Variants in TVP23C observed in about 807,000 individuals in gnomAD.
The protein encoded by TVP23C is trans-golgi network vesicle protein 23 homolog C.
Under a neutral mutation model 28.7 loss-of-function variants are expected in TVP23C, and 19 were observed. The observed-to-expected ratio is 0.66, with a 90% CI of 0.46 to 0.97. The LOEUF is 0.97. Ranked by LOEUF, TVP23C falls within the 50% of genes least tolerant of loss-of-function variation. The pLI is 0.00. For missense variants in TVP23C, 186 were observed against 241.3 expected, an observed-to-expected ratio of 0.77 and a Z score of 1.52; for synonymous variants, 68 against 81.7, an observed-to-expected ratio of 0.83 and a Z score of 0.90.
At position 15,537,550 on chromosome 17, in the gene TVP23C, T is replaced by C; in HGVS notation, c.*2862A>G. On this transcript the variant is annotated 3_prime_UTR_variant, in exon 6 of 6. Coordinates refer to ENST00000518321, the MANE Select transcript of TVP23C (RefSeq NM_001135036.2). ...TCTTACAAACAAAAATAAAATTTTA[T>C]AAAGTAGTTAATACCACTGGCCCTA... The C allele has an allele frequency of 1.0e-6, 1 of 983,300 alleles. No homozygotes were observed. Among genetic ancestry groups the C allele is most frequent in the Non-Finnish European group, 1.2e-6 (1 of 827,974 alleles). 60.9% of individuals were successfully genotyped at this position (983,300 alleles called of 1,614,324 possible).
chr17:15,507,442 T>C lies in TVP23C; in HGVS notation c.463-4210A>G, dbSNP rs537959284. 3.9e-5 allele frequency: 19 copies of C among 491,112 alleles called. No homozygotes were observed. In the South Asian group the frequency reaches 3.9e-4, roughly 10 times the overall value. 30.4% of individuals were successfully genotyped at this position (491,112 alleles called of 1,614,324 possible). On this transcript the variant is annotated intron_variant, in intron 5 of 5. Coordinates refer to the TVP23C transcript ENST00000225576. ...TCCACCCCATTTGCTCACACTATCC[T>C]GTCATCTTTGTGTTCTTGCTGCAGT...
chr17:15,530,084 C>A (rs1982892154), intron 5 of TVP23C, among the ~76,000 whole-genome samples: 1 of 152,172 alleles, frequency 6.6e-6, no homozygotes, highest in South Asian at 2.1e-4. Context: ...CAGGCGTGAG[C>A]CACTGTGCCC....
chr17:15,525,752 G>A (rs1355794315), intron 5 of TVP23C, among the ~76,000 whole-genome samples: 1 of 152,182 alleles, frequency 6.6e-6, no homozygotes, highest in Non-Finnish European at 1.5e-5. Context: ...ATACAAAGGT[G>A]GTGTCCTAAG....
chr17:15,503,266 G>A (rs1981568904), intron 5 of TVP23C: 2 of 1,451,490 alleles, frequency 1.4e-6, no homozygotes, highest in Non-Finnish European at 1.8e-6. Flanking sequence ...AATTAGCCAG[G>A]TGTAGTGGCG....
At chr17:15,557,068 T>C (rs1448108573) in intron 1 of TVP23C, among the ~76,000 whole-genome samples, 1 of 149,176 alleles carries the variant, frequency 6.7e-6, no homozygotes, top group African/African-American at 2.4e-5. Context: ...CTCAGAAAAC[T>C]CTTCCCTTCC....
rs1340958627 is a variant in TVP23C at position 15,537,718 on chromosome 17, A to G, written c.*2694T>C. The G allele has an allele frequency of 5.9e-5, 59 of 992,262 alleles. No individual in the cohort carries two copies. The highest frequency in any genetic ancestry group is 6.8e-5 in the Non-Finnish European group (57 of 834,386). 61.5% of individuals were successfully genotyped at this position (992,262 alleles called of 1,614,324 possible). On this transcript the variant is annotated 3_prime_UTR_variant, in exon 6 of 6. Transcript: ENST00000518321. Reference sequence around the variant, plus strand: ...AAACTTTCTCCTGAAAACAATCTACAGAAATAATATGTAAACATATAGAGC... The same window carrying G: ...AAACTTTCTCCTGAAAACAATCTACGGAAATAATATGTAAACATATAGAGC...
intron 1 of TVP23C, among the ~76,000 whole-genome samples, chr17:15,557,411 G>A (rs1597549547): frequency 6.8e-6 from 1 of 146,068 alleles, no homozygotes; most frequent in South Asian, 2.3e-4. Context: ...TAGTGCCTCA[G>A]CCTCCTGAGT....
At chr17:15,556,911 G>C (rs1428144663) in intron 1 of TVP23C, among the ~76,000 whole-genome samples, 16 of 151,388 alleles carry the variant, frequency 1.1e-4, no homozygotes, top group Non-Finnish European at 2.1e-4. Context: ...TTCACATAAA[G>C]CATAGAAGAT....
intron 5 of TVP23C, among the ~76,000 whole-genome samples, chr17:15,523,996 C>T (rs1166868862): frequency 6.6e-6 from 1 of 151,948 alleles, no homozygotes; most frequent in Non-Finnish European, 1.5e-5. Flanking sequence ...CACTACAAAA[C>T]ACTGCTGAAG....
At chr17:15,557,290 GTTTT>G (rs761887271) in intron 1 of TVP23C, among the ~76,000 whole-genome samples, 1 of 123,918 alleles carries the variant, frequency 8.1e-6, no homozygotes, top group Admixed American at 8.9e-5. Context: ...AGAAGACAAG[GTTTT>G]TTTTTTTTTT....
chr17:15,505,788 G>A (rs1018392390), intron 5 of TVP23C, among the ~76,000 whole-genome samples: 2 of 115,810 alleles, frequency 1.7e-5, no homozygotes, highest in South Asian at 3.1e-4. Context: ...CCCCGCACTC[G>A]GAGCAGCCGG....
At position 15,503,176 on chromosome 17, in the gene TVP23C, AG is replaced by A. The variant is rs1981562847; in HGVS notation, c.518del (p.Pro173LeufsTer11). On this transcript the variant is annotated frameshift_variant, in exon 6 of 6. Coordinates refer to the TVP23C transcript ENST00000225576. LOFTEE classifies it low-confidence loss of function (END_TRUNC). ...CAGCGCTTTGGAAGGCGGAAGCGGG[AG>A]GATCTCTTGAGCCCAAGACTTTCAG... 14 of 1,582,516 alleles carry A rather than the reference AG, an allele frequency of 8.8e-6. No homozygotes were observed. The highest frequency in any genetic ancestry group is 1.8e-5 in the Admixed American group (1 of 54,480).
chr17:15,552,775 G>T (rs547811128), intron 3 of TVP23C, among the ~76,000 whole-genome samples: 3 of 152,068 alleles, frequency 2.0e-5, no homozygotes, highest in Non-Finnish European at 4.4e-5. Context: ...ATCAGTATAT[G>T]TCTCTGAAAC....
intron 2 of TVP23C, among the ~76,000 whole-genome samples, chr17:15,554,196 TCA>T (rs1984021872): frequency 6.6e-6 from 1 of 151,230 alleles, no homozygotes; most frequent in African/African-American, 2.4e-5. Context: ...CAGAAATCAC[TCA>T]GACATTAAGA....
At chr17:15,511,653 C>G (rs949197434) in intron 5 of TVP23C, among the ~76,000 whole-genome samples, 1 of 152,032 alleles carries the variant, frequency 6.6e-6, no homozygotes, top group African/African-American at 2.4e-5. Context: ...TGTTCCAGTC[C>G]TTATCCTTCC....
chr17:15,526,916 A>G (rs1464994793), intron 5 of TVP23C, among the ~76,000 whole-genome samples: 1 of 152,230 alleles, frequency 6.6e-6, no homozygotes, highest in East Asian at 1.9e-4. Flanking sequence ...ACCGGCTCAT[A>G]AACTTATGAT....
At chr17:15,513,612 T>G (rs1982094347) in intron 5 of TVP23C, among the ~76,000 whole-genome samples, 1 of 152,212 alleles carries the variant, frequency 6.6e-6, no homozygotes, top group Non-Finnish European at 1.5e-5. Flanking sequence ...TTCTGACAGT[T>G]TGAGGATTCT....
At chr17:15,553,932 T>C in intron 2 of TVP23C, 103 bp from the exon 3 acceptor site, 1 of 1,570,116 alleles carries the variant, frequency 6.4e-7, no homozygotes, top group Non-Finnish European at 8.7e-7. Flanking sequence ...GTGAAGAGTT[T>C]TGTCAAAATA....
downstream of TVP23C, among the ~76,000 whole-genome samples, chr17:15,534,609 A>C (rs554151356): frequency 4.6e-4 from 63 of 135,600 alleles, 1 homozygote; most frequent in African/African-American, 2.3e-3. Flanking sequence ...ACACACACAC[A>C]CACCCTTACC....
Sources: gnomAD v4.1 joint callset for allele counts (sites outside exome capture counted in the v4.1 genomes callset) on GRCh38, gnomAD v4.1.1 for gene constraint, MANE v1.5 for transcripts, NCBI Gene and HGNC (gene_info 2026-07-23, HGNC 2026-07-21) for gene names.